DERL2: variants seen among roughly 807,000 people sequenced by gnomAD.
DERL2 encodes derlin 2.
DERL2 carries 13 observed loss-of-function variants against 32.0 expected under a neutral mutation model. The observed-to-expected ratio is 0.41, with a 90% CI of 0.26 to 0.65. DERL2 has a LOEUF of 0.65. DERL2 is among the 30% of genes least tolerant of loss of function. DERL2 has a pLI of 0.35. For missense variants in DERL2, 208 were observed against 296.3 expected (o/e 0.70, Z 2.19); for synonymous variants, 111 against 104.7 (o/e 1.06, Z -0.37).
At chr17:5,475,479 G>A (rs982773616) in intron 6 of DERL2, among the ~76,000 whole-genome samples, 5 of 152,044 alleles carry the variant, frequency 3.3e-5, no homozygotes, top group East Asian at 3.9e-4. Flanking sequence ...GACTGGTCTC[G>A]AACTCCTGAA....
Position 5,485,863 on chromosome 17 carries a change from C to CT in DERL2, c.93+205dup. ...CGGCGCTCATCTCTTAGAAACTGAC[C>CT]TGACCCCCCATGAAGCAGCACTCCC... On this transcript the variant is annotated intron_variant, in intron 1 of 6. Coordinates refer to ENST00000158771, the MANE Select transcript of DERL2 (RefSeq NM_016041.5). The CT allele has an allele frequency of 6.7e-6, 3 of 449,778 alleles. No individual in the cohort carries two copies. The South Asian group carries it at 1.4e-4, about 21-fold the overall frequency. 27.9% of individuals were successfully genotyped at this position (449,778 alleles called of 1,614,324 possible). A position where few individuals can be genotyped will look rare whatever the true frequency, so the allele number is the denominator to read the frequency against.
intron 5 of DERL2, 120 bp from the exon 6 acceptor site, chr17:5,480,264 G>C: frequency 8.2e-7 from 1 of 1,223,520 alleles, no homozygotes; most frequent in African/African-American, 1.5e-5. Context: ...AAAAATTAAT[G>C]AACTAATATT....
At chr17:5,483,724 A>C (rs189267868) in intron 2 of DERL2, among the ~76,000 whole-genome samples, 10 of 152,300 alleles carry the variant, frequency 6.6e-5, no homozygotes, top group Admixed American at 4.6e-4. Flanking sequence ...GACCCGCAGG[A>C]GTAGATGGAA....
chr17:5,480,025 GA>G (rs1341672147), intron 6 of DERL2, 28 bp downstream of exon 6: 11 of 1,404,990 alleles, frequency 7.8e-6, no homozygotes, highest in Non-Finnish European at 1.1e-5. Flanking sequence ...TTGCCTGTAA[GA>G]GTATGTAACC....
At position 5,471,847 on chromosome 17, in the gene DERL2, G is replaced by C. The variant is rs1408892716; in HGVS notation, c.*2837C>G. The C allele has an allele frequency of 6.6e-6, 1 of 152,182 alleles. No individual in the cohort carries two copies. Among genetic ancestry groups the C allele is most frequent in the Non-Finnish European group, 1.5e-5 (1 of 68,028 alleles). The allele number at this position is 152,182 out of a possible 1,614,324, so 9.4% of individuals were successfully genotyped here. On this transcript the variant is annotated 3_prime_UTR_variant, in exon 7 of 7. Coordinates refer to ENST00000158771, the MANE Select transcript of DERL2 (RefSeq NM_016041.5). ...TACAACATAAAACACTGGCAGGATA[G>C]ATGACAATAGTTCTAGGAAGCCCAT...
chr17:5,482,917 G>A (rs758606565), intron 2 of DERL2, 35 bp from the exon 3 acceptor site: 1 of 1,179,550 alleles, frequency 8.5e-7, no homozygotes, highest in Non-Finnish European at 1.2e-6. Flanking sequence ...GATGTATTAA[G>A]TAAAATAAAT....
In DERL2 at chr17:5,474,786, T is replaced by C; in HGVS notation, c.618A>G (p.Lys206=). 2 of 1,612,684 alleles carry C rather than the reference T, an allele frequency of 1.2e-6. No homozygotes were observed. Among genetic ancestry groups the C allele is most frequent in the Non-Finnish European group, 1.7e-6 (2 of 1,179,150 alleles). Residue 206 remains lysine (K), a synonymous_variant, in exon 7 of 7, where the codon AAA becomes AAG. Coordinates refer to ENST00000158771, the MANE Select transcript of DERL2 (RefSeq NM_016041.5). The surrounding 1 kb of genome is among the most constrained non-coding windows in gnomAD (Gnocchi z 4.3). ...CCTCATCTGGTGTATCAAAAATAGC[T>C]TTCCTAAAAGACAAGCAACAGATAT... The part of the protein sequence containing the change: ...IRILKTPSIL[K]AIFDTPDEDP...
At position 5,481,534 on chromosome 17, in the gene DERL2, G is replaced by A; in HGVS notation, c.234-145C>T. ...TATAAGAATGTTTGAGTGGTAATGTGATTACTTTTTTACCAAGCATTTGAG... is the reference window on the plus strand; with the variant it reads ...TATAAGAATGTTTGAGTGGTAATGTAATTACTTTTTTACCAAGCATTTGAG... On this transcript the variant is annotated intron_variant, in intron 3 of 6. Transcript: ENST00000158771. This position sits in a 1 kb window ranked among gnomAD's most constrained non-coding sequence, Gnocchi z 4.4. The A allele has an allele frequency of 3.1e-6, 2 of 641,820 alleles. No individual in the cohort carries two copies. Among genetic ancestry groups the A allele is most frequent in the Non-Finnish European group, 5.4e-6 (2 of 372,368 alleles). The allele number at this position is 641,820 out of a possible 1,614,324, so 39.8% of individuals were successfully genotyped here. A position where few individuals can be genotyped will look rare whatever the true frequency, so the allele number is the denominator to read the frequency against.
At chr17:5,479,353 T>C (rs1392416619) in intron 6 of DERL2, among the ~76,000 whole-genome samples, 1 of 152,064 alleles carries the variant, frequency 6.6e-6, no homozygotes, top group Non-Finnish European at 1.5e-5. Context: ...AAACATTTTA[T>C]AACAAAAACT....
At position 5,485,144 on chromosome 17, in the gene DERL2, C is replaced by G. The variant is rs1474839810; in HGVS notation, c.159+7G>C. On this transcript the variant is annotated splice_region_variant and intron_variant, in intron 2 of 6. Coordinates refer to ENST00000158771, the MANE Select transcript of DERL2 (RefSeq NM_016041.5). ...AGCATTAATCACTATTGTGATGAAC[C>G]ACTTACTTGAAAGTGTTTAAAGATT... is the stretch of plus-strand genomic sequence containing the variant. 6.4e-7 allele frequency: 1 copy of G among 1,560,186 alleles called. No homozygotes were observed. The highest frequency in any genetic ancestry group is 8.7e-7 in the Non-Finnish European group (1 of 1,147,332).
At chr17:5,479,960 G>C in intron 6 of DERL2, 94 bp downstream of exon 6, 2 of 744,228 alleles carry the variant, frequency 2.7e-6, no homozygotes, top group Non-Finnish European at 4.6e-6. Context: ...CCTGAGCTAT[G>C]TGTACTAGGA....
Position 5,472,700 on chromosome 17 carries a change from G to C in DERL2, c.*1984C>G, listed in dbSNP as rs934305778. 3.3e-5 allele frequency: 5 copies of C among 152,088 alleles called. No individual in the cohort carries two copies. Among genetic ancestry groups the C allele is most frequent in the Middle Eastern group, 6.8e-3 (2 of 292 alleles). The allele number at this position is 152,088 out of a possible 1,614,324, so 9.4% of individuals were successfully genotyped here. A position where few individuals can be genotyped will look rare whatever the true frequency, so the allele number is the denominator to read the frequency against. Reference sequence around the variant, plus strand: ...AGGATTAGTATTTTACCACAAAAATGCCATTCATTGCATAACTCCAACTCA... The same window carrying C: ...AGGATTAGTATTTTACCACAAAAATCCCATTCATTGCATAACTCCAACTCA... On this transcript the variant is annotated 3_prime_UTR_variant, in exon 7 of 7. Coordinates refer to ENST00000158771, the MANE Select transcript of DERL2 (RefSeq NM_016041.5).
chr17:5,485,036 A>C (rs1906078416), intron 2 of DERL2, 115 bp downstream of exon 2: 1 of 619,506 alleles, frequency 1.6e-6, no homozygotes, highest in Non-Finnish European at 2.7e-6. Flanking sequence ...GGCAACTTAT[A>C]ATCAAAGGTC....
Position 5,486,178 on chromosome 17 carries a change from T to G in DERL2, c.-17A>C, listed in dbSNP as rs769842246. 4.6e-6 allele frequency: 7 copies of G among 1,523,250 alleles called. No homozygotes were observed. The highest frequency in any genetic ancestry group is 5.3e-6 in the Non-Finnish European group (6 of 1,129,624). The allele number at this position is 1,523,250 out of a possible 1,614,324, so 94.4% of individuals were successfully genotyped here. A position where few individuals can be genotyped will look rare whatever the true frequency, so the allele number is the denominator to read the frequency against. Reference sequence around the variant, plus strand: ...GTACGCCATCTTCCCCACCGTCGCCTGCCCCACCCCCCACCCACCCCATTT... The same window carrying G: ...GTACGCCATCTTCCCCACCGTCGCCGGCCCCACCCCCCACCCACCCCATTT... On this transcript the variant is annotated 5_prime_UTR_variant, in exon 1 of 7. Transcript: ENST00000158771.
At chr17:5,475,710 T>C (rs1041270738) in intron 6 of DERL2, among the ~76,000 whole-genome samples, 2 of 152,078 alleles carry the variant, frequency 1.3e-5, no homozygotes, top group African/African-American at 2.4e-5. Flanking sequence ...GACTGCTCCA[T>C]TGCACTCCAG....
chr17:5,479,571 A>G (rs1018668751), intron 6 of DERL2, among the ~76,000 whole-genome samples: 1 of 151,840 alleles, frequency 6.6e-6, no homozygotes, highest in East Asian at 1.9e-4. Flanking sequence ...TGAAGTGCAA[A>G]AAAGAAAGGA....
At chr17:5,482,418 CT>C (rs1191997601) in intron 3 of DERL2, 21 of 182,004 alleles carry the variant, frequency 1.2e-4, no homozygotes, top group African/African-American at 7.2e-5. Flanking sequence ...CCAAGGAGAT[CT>C]CAGGTTCCCA....
rs1439605783 is a variant in DERL2 at position 5,474,804 on chromosome 17, AC to A, written c.615-16del. On this transcript the variant is annotated splice_polypyrimidine_tract_variant and intron_variant, in intron 6 of 6. Coordinates refer to ENST00000158771, the MANE Select transcript of DERL2 (RefSeq NM_016041.5). The surrounding 1 kb of genome is among the most constrained non-coding windows in gnomAD (Gnocchi z 4.3). The stretch of plus-strand genomic sequence containing the variant: ...AAATAGCTTTCCTAAAAGACAAGCA[AC>A]AGATATAATTTGGTCCCAGAGTCAT... The A allele has an allele frequency of 6.2e-7, 1 of 1,607,726 alleles. No homozygotes were observed. Among genetic ancestry groups the A allele is most frequent in the South Asian group, 1.1e-5 (1 of 90,820 alleles).
At chr17:5,475,231 C>T (rs931873713) in intron 6 of DERL2, among the ~76,000 whole-genome samples, 3 of 151,716 alleles carry the variant, frequency 2.0e-5, no homozygotes, top group African/African-American at 7.2e-5. Context: ...GGTGAATAAA[C>T]AAAATACGGT....
Sources: allele counts gnomAD v4.1 joint callset (sites outside exome capture counted in the v4.1 genomes callset), GRCh38; gene constraint gnomAD v4.1.1; non-coding constraint Gnocchi (gnomAD v3.1); transcripts MANE v1.5; gene names NCBI Gene and HGNC (gene_info 2026-07-23, HGNC 2026-07-21).